Variants in DMD observed in about 807,000 individuals in gnomAD.
The protein encoded by DMD is dystrophin, also known as mutant dystrophin.
A neutral mutation model predicts 330.1 loss-of-function variants in DMD; 63 were observed. That is an observed-to-expected ratio of 0.19 (90% CI 0.16 to 0.24). DMD has a LOEUF of 0.24. Among genes scored for constraint, DMD ranks in the 10% least tolerant of loss-of-function variants. The pLI, the probability that DMD is intolerant of heterozygous loss-of-function variation, is 1.00. For synonymous variants in DMD, 1,223 were observed against 959.8 expected (o/e 1.27, Z -5.07); for missense variants, 3,344 against 2,684.1 (o/e 1.25, Z -5.43).
intron 50 of DMD, among the ~76,000 whole-genome samples, chrX:31,818,294 C>T (rs1034930719): frequency 1.8e-5 from 2 of 111,879 alleles, no homozygotes; most frequent in African/African-American, 3.3e-5. Context: ...ATGCTGTACT[C>T]GCAGCACCAG....
intron 52 of DMD, among the ~76,000 whole-genome samples, chrX:31,700,603 C>G (rs977646631): frequency 8.9e-6 from 1 of 111,748 alleles, no homozygotes; most frequent in Non-Finnish European, 1.9e-5. Context: ...GGGTTTTTAC[C>G]ACTGGTTGGA....
chrX:31,350,678 C>T (rs867825514), intron 60 of DMD, among the ~76,000 whole-genome samples: 5 of 104,684 alleles, frequency 4.8e-5, no homozygotes, highest in Middle Eastern at 5.0e-3. Flanking sequence ...AGAAGCGATG[C>T]GGAACAAACA....
At chrX:32,754,246 C>T (rs1298451558) in intron 7 of DMD, among the ~76,000 whole-genome samples, 1 of 110,876 alleles carries the variant, frequency 9.0e-6, no homozygotes, top group Admixed American at 9.7e-5. Flanking sequence ...CAGATGGATA[C>T]AATTATCGCC....
At chrX:31,219,339 C>A (rs2045735860) in intron 64 of DMD, among the ~76,000 whole-genome samples, 1 of 111,161 alleles carries the variant, frequency 9.0e-6, no homozygotes, top group Non-Finnish European at 1.9e-5. Context: ...ATACCACACC[C>A]CTGCAGATTG....
At chrX:32,804,278 G>T (rs2076273765) in intron 7 of DMD, among the ~76,000 whole-genome samples, 1 of 112,142 alleles carries the variant, frequency 8.9e-6, no homozygotes, top group African/African-American at 3.2e-5. Flanking sequence ...TGAGGCTCCA[G>T]CTTGGTGGAG....
At chrX:32,458,246 T>G in intron 25 of DMD, among the ~76,000 whole-genome samples, 2 of 111,167 alleles carry the variant, frequency 1.8e-5, no homozygotes, top group Non-Finnish European at 3.8e-5. Flanking sequence ...AAAAAAAATA[T>G]TCTCCAGTAT....
At chrX:33,121,676 G>A (rs2095426149) in intron 1 of DMD, among the ~76,000 whole-genome samples, 1 of 111,632 alleles carries the variant, frequency 9.0e-6, no homozygotes, top group Non-Finnish European at 1.9e-5. Context: ...TACATTTTTT[G>A]TAGTTGTTTT....
intron 61 of DMD, among the ~76,000 whole-genome samples, chrX:31,340,516 T>C (rs920109329): frequency 8.9e-6 from 1 of 112,768 alleles, no homozygotes; most frequent in African/African-American, 3.2e-5. Context: ...TTTTCCTTTA[T>C]GTGTACATTT....
intron 50 of DMD, among the ~76,000 whole-genome samples, chrX:31,783,171 C>T (rs895626665): frequency 5.4e-5 from 6 of 111,608 alleles, no homozygotes; most frequent in African/African-American, 2.0e-4. Context: ...AGAAAATACA[C>T]TGCTATTCTA....
chrX:33,295,329 T>C (rs985452470), intron 1 of DMD, among the ~76,000 whole-genome samples: 1 of 110,671 alleles, frequency 9.0e-6, no homozygotes, highest in African/African-American at 3.3e-5. Flanking sequence ...CAACATCATG[T>C]TGATAGCTTG....
chrX:32,099,060 T>C (rs959962921), intron 44 of DMD, among the ~76,000 whole-genome samples: 2 of 111,732 alleles, frequency 1.8e-5, no homozygotes, highest in Non-Finnish European at 3.8e-5. Context: ...CCTATGAACA[T>C]TGCTTTTAGG....
intron 54 of DMD, among the ~76,000 whole-genome samples, chrX:31,632,072 A>T (rs2148451769): frequency 9.0e-6 from 1 of 111,710 alleles, no homozygotes; most frequent in East Asian, 2.8e-4. Flanking sequence ...AGACCTGATT[A>T]TCAATGAAGA....
chrX:33,152,669 A>G (rs754156863), intron 1 of DMD, among the ~76,000 whole-genome samples: 2 of 111,337 alleles, frequency 1.8e-5, no homozygotes, highest in Admixed American at 9.6e-5. Flanking sequence ...GCAAGCGGCT[A>G]AGTTCACGTA....
chrX:32,486,247 A>G lies in DMD; in HGVS notation c.2623-1148T>C, dbSNP rs142971171. Among the ~76,000 whole-genome samples the G allele has an allele frequency of 3.3e-3, 368 of 111,667 alleles. 3 individuals are homozygous for G. The South Asian group carries it at 0.061, about 19-fold the overall frequency. ...AATTTAGATGCATGAAATTACCAAA[A>G]TATGTTTAATTCTGAAGATTAAGAA... On this transcript the variant is annotated intron_variant, in intron 20 of 78. Transcript: ENST00000357033.
chrX:32,917,262 A>G (rs1011406018), intron 2 of DMD, among the ~76,000 whole-genome samples: 4 of 105,000 alleles, frequency 3.8e-5, no homozygotes, highest in Non-Finnish European at 5.8e-5. Flanking sequence ...CTCCCCAGTC[A>G]TGTGGAACTT....
intron 2 of DMD, among the ~76,000 whole-genome samples, chrX:32,868,794 G>C (rs1215824445): frequency 1.8e-5 from 2 of 111,950 alleles, no homozygotes; most frequent in Non-Finnish European, 3.8e-5. Context: ...CATGGTCTCC[G>C]CAGATCAGCG....
At chrX:32,932,906 T>C (rs770313614) in intron 2 of DMD, among the ~76,000 whole-genome samples, 2 of 111,921 alleles carry the variant, frequency 1.8e-5, no homozygotes, top group African/African-American at 6.5e-5. Context: ...TCAAAAGAAT[T>C]AAGTTGACTC....
chrX:31,178,898 G>A (rs1055863842), intron 69 of DMD, 93 bp from the exon 70 acceptor site: 3 of 1,043,210 alleles, frequency 2.9e-6, no homozygotes, highest in Non-Finnish European at 4.0e-6. Flanking sequence ...CACTTGTTTT[G>A]TAATTAAGGA....
At chrX:32,357,587 C>A (rs2097807635) in intron 37 of DMD, among the ~76,000 whole-genome samples, 1 of 109,242 alleles carries the variant, frequency 9.2e-6, no homozygotes, top group Admixed American at 9.9e-5. Context: ...AGCTCCCGAA[C>A]TTCATGTCAT....
Sources: allele counts gnomAD v4.1 joint callset (sites outside exome capture counted in the v4.1 genomes callset), GRCh38; gene constraint gnomAD v4.1.1; transcripts MANE v1.5; gene names NCBI Gene and HGNC (gene_info 2026-07-23, HGNC 2026-07-21).